ZMPSTE24: variants seen among roughly 807,000 people sequenced by gnomAD.
ZMPSTE24 encodes zinc metallopeptidase STE24.
Under a neutral mutation model 56.7 loss-of-function variants are expected in ZMPSTE24, and 48 were observed. The ratio of observed to expected loss-of-function variants is 0.85; its 90% CI spans 0.67 to 1.08. The LOEUF (loss-of-function observed/expected upper bound fraction) is 1.08, where lower values mean the gene tolerates loss of function less well. Among genes scored for constraint, ZMPSTE24 ranks in the 50% least tolerant of loss-of-function variants. ZMPSTE24 has a pLI of 0.00. For missense variants in ZMPSTE24, 503 were observed against 548.7 expected (o/e 0.92, Z 0.83); for synonymous variants, 172 against 195.2 (o/e 0.88, Z 0.99).
chr1:40,258,447 A>T, intron 1 of ZMPSTE24, 53 bp downstream of exon 1: 1 of 1,612,622 alleles, frequency 6.2e-7, no homozygotes, highest in Non-Finnish European at 8.5e-7. Context: ...GCCCTGGAGT[A>T]GCCTTGGCTT....
intron 1 of ZMPSTE24, 55 bp downstream of exon 1, chr1:40,258,449 C>T: frequency 1.9e-6 from 3 of 1,612,312 alleles, no homozygotes; most frequent in Non-Finnish European, 1.7e-6. Flanking sequence ...CCTGGAGTAG[C>T]CTTGGCTTCG....
Position 40,258,277 on chromosome 1 carries a change from G to A in ZMPSTE24, c.6G>A (p.Gly2=). M[G]MWASLDALWE... ...GCCGGCGGAACCGGGTGGCCATGGG[G>A]ATGTGGGCATCGCTGGACGCTTTGT... The change falls in exon 1 of 10, where the codon GGG becomes GGA. Residue 2 remains glycine, a synonymous_variant. Transcript: ENST00000372759. 6.2e-7 allele frequency: 1 copy of A among 1,613,942 alleles called. No individual in the cohort carries two copies. The highest frequency in any genetic ancestry group is 8.5e-7 in the Non-Finnish European group (1 of 1,180,028).
chr1:40,277,085 CTTTT>C (rs574397138), intron 6 of ZMPSTE24, among the ~76,000 whole-genome samples: 2 of 130,064 alleles, frequency 1.5e-5, no homozygotes, highest in African/African-American at 2.9e-5. Flanking sequence ...TACAGGGATT[CTTTT>C]TTTTTTTTTT....
intron 6 of ZMPSTE24, among the ~76,000 whole-genome samples, chr1:40,273,104 A>G (rs1442658616): frequency 6.6e-6 from 1 of 152,234 alleles, no homozygotes; most frequent in Non-Finnish European, 1.5e-5. Flanking sequence ...AAATATTACC[A>G]GTGAGAAGCA....
chr1:40,270,926 C>T (rs1337291359), intron 5 of ZMPSTE24, among the ~76,000 whole-genome samples: 1 of 152,198 alleles, frequency 6.6e-6, no homozygotes, highest in African/African-American at 2.4e-5. Context: ...TAAGACCAGC[C>T]TGGGTAACAC....
chr1:40,292,442 C>T lies in ZMPSTE24; in HGVS notation c.1204-3C>T. The T allele has an allele frequency of 1.9e-6, 3 of 1,613,296 alleles. No homozygotes were observed. The South Asian group carries it at 3.3e-5, about 18-fold the overall frequency. The stretch of plus-strand genomic sequence containing the variant: ...GCTAAAACCCTTTCATTTTCTTTTT[C>T]AGGTTCTTTCTTTTTGCCTAACAGT... On this transcript the variant is annotated splice_region_variant and splice_polypyrimidine_tract_variant and intron_variant, in intron 9 of 9. Coordinates refer to ENST00000372759, the MANE Select transcript of ZMPSTE24 (RefSeq NM_005857.5).
Position 40,270,056 on chromosome 1 carries a change from C to T in ZMPSTE24, c.556C>T (p.Leu186Phe), listed in dbSNP as rs770010254. The T allele has an allele frequency of 6.2e-7, 1 of 1,613,780 alleles. No homozygotes were observed. The highest frequency in any genetic ancestry group is 1.3e-5 in the African/African-American group (1 of 74,918). ...TTTGTTGCCTGTGTCTTCACTTCTACTTTACATTATTAAAATTGGGGGTGA... is the reference window on the plus strand; with the variant it reads ...TTTGTTGCCTGTGTCTTCACTTCTATTTTACATTATTAAAATTGGGGGTGA... ...CILLPVSSLL[L>F]YIIKIGGDYF... The change falls in exon 5 of 10, where the codon CTT (leucine) becomes TTT (phenylalanine). Residue 186 changes from leucine (L) to phenylalanine (F), a missense_variant. By Grantham distance (22) the Leu-to-Phe change is conservative (BLOSUM62 0). Transcript: ENST00000372759.
chr1:40,270,332 C>A (rs925601495), intron 5 of ZMPSTE24, among the ~76,000 whole-genome samples: 1 of 152,170 alleles, frequency 6.6e-6, no homozygotes, highest in South Asian at 2.1e-4. Context: ...GCTAACTCTT[C>A]AGGTCATAGA....
chr1:40,258,530 C>T, intron 1 of ZMPSTE24, 136 bp downstream of exon 1: 2 of 1,501,464 alleles, frequency 1.3e-6, no homozygotes, highest in Non-Finnish European at 1.8e-6. Context: ...AGTCTCGTAA[C>T]TTGGCCCGAT....
chr1:40,281,663 T>TAAAGG, intron 7 of ZMPSTE24, 136 bp downstream of exon 7: 1 of 897,322 alleles, frequency 1.1e-6, no homozygotes, highest in Non-Finnish European at 1.7e-6. Flanking sequence ...GGCTCCTTTA[T>TAAAGG]AGTTCTGGTA....
At position 40,258,328 on chromosome 1, in the gene ZMPSTE24, C is replaced by T; in HGVS notation, c.57C>T (p.Ile19=). The T allele has an allele frequency of 6.2e-7, 1 of 1,614,186 alleles. No homozygotes were observed. The highest frequency in any genetic ancestry group is 8.5e-7 in the Non-Finnish European group (1 of 1,180,044). ...ALWEMPAEKR[I]FGAVLLFSWT... ...GGGAGATGCCGGCCGAGAAGCGTAT[C>T]TTCGGGGCCGTGCTGCTCTTTTCCT... Residue 19 remains isoleucine, a synonymous_variant, in exon 1 of 10, where the codon ATC becomes ATT. Coordinates refer to ENST00000372759, the MANE Select transcript of ZMPSTE24 (RefSeq NM_005857.5).
At chr1:40,258,524 T>C in intron 1 of ZMPSTE24, 130 bp downstream of exon 1, 1 of 1,520,704 alleles carries the variant, frequency 6.6e-7, no homozygotes, top group Non-Finnish European at 9.0e-7. Context: ...CTGCTGAGTC[T>C]CGTAACTTGG....
chr1:40,293,582 C>G lies in ZMPSTE24; in HGVS notation c.*913C>G, dbSNP rs1643863241. 1 of 152,206 alleles carries G rather than the reference C, an allele frequency of 6.6e-6. No homozygotes were observed. Among genetic ancestry groups the G allele is most frequent in the African/African-American group, 2.4e-5 (1 of 41,462 alleles). 9.4% of individuals were successfully genotyped at this position (152,206 alleles called of 1,614,324 possible). A position where few individuals can be genotyped will look rare whatever the true frequency, so the allele number is the denominator to read the frequency against. On this transcript the variant is annotated 3_prime_UTR_variant, in exon 10 of 10. Coordinates refer to ENST00000372759, the MANE Select transcript of ZMPSTE24 (RefSeq NM_005857.5). ...ACATAAGGATGAAATACTGATGAAT[C>G]TCTGTGACATTACAGGGAAAAAAAT...
intron 5 of ZMPSTE24, among the ~76,000 whole-genome samples, chr1:40,271,224 C>G (rs776298495): frequency 3.0e-4 from 46 of 152,112 alleles, no homozygotes; most frequent in Non-Finnish European, 5.6e-4. Context: ...GACACCATGC[C>G]CAAGCTGAGG....
intron 6 of ZMPSTE24, among the ~76,000 whole-genome samples, chr1:40,275,079 C>G (rs1425786280): frequency 6.6e-6 from 1 of 151,850 alleles, no homozygotes; most frequent in Non-Finnish European, 1.5e-5. Flanking sequence ...ATTCTGCAAG[C>G]AATAGAAACC....
rs564570606 is a variant in ZMPSTE24 at position 40,285,909 on chromosome 1, A to AT, written c.955-7dup. On this transcript the variant is annotated splice_polypyrimidine_tract_variant and intron_variant, in intron 7 of 9. Coordinates refer to ENST00000372759, the MANE Select transcript of ZMPSTE24 (RefSeq NM_005857.5). The stretch of plus-strand genomic sequence containing the variant: ...AAAGGTTCTCAATAATTTATTTTTG[A>AT]TTTTTTTTTATTCAGAATAAGAAAC... 516 of 1,581,526 alleles carry AT rather than the reference A, an allele frequency of 3.3e-4. No individual in the cohort carries two copies. The highest frequency in any genetic ancestry group is 2.4e-3 in the South Asian group (216 of 89,138).
At position 40,281,642 on chromosome 1, in the gene ZMPSTE24, A is replaced by G. The variant is rs941166752; in HGVS notation, c.954+115A>G. 3 of 1,074,026 alleles carry G rather than the reference A, an allele frequency of 2.8e-6. No individual in the cohort carries two copies. In the African/African-American group the frequency reaches 4.7e-5, roughly 17 times the overall value. 66.5% of individuals were successfully genotyped at this position (1,074,026 alleles called of 1,614,324 possible). ...GTGTTGAATTCAGGGAGACTATCAG[A>G]TGAAAACCATGGCTCCTTTATAGTT... On this transcript the variant is annotated intron_variant, in intron 7 of 9. Coordinates refer to ENST00000372759, the MANE Select transcript of ZMPSTE24 (RefSeq NM_005857.5).
Position 40,272,157 on chromosome 1 carries a change from T to C in ZMPSTE24, c.769+122T>C, listed in dbSNP as rs181197733. 37 of 1,167,000 alleles carry C rather than the reference T, an allele frequency of 3.2e-5. 1 individual carries two copies. In the East Asian group the frequency reaches 7.1e-4, roughly 22 times the overall value. 72.3% of individuals were successfully genotyped at this position (1,167,000 alleles called of 1,614,324 possible). ...GTTTTTTTCTTTTTAAAATTTGTTA[T>C]TTAAAGGCTAGGAGTTTACCTTTTG... On this transcript the variant is annotated intron_variant, in intron 6 of 9. Transcript: ENST00000372759.
chr1:40,294,171 C>T lies in ZMPSTE24; in HGVS notation c.*1502C>T, dbSNP rs568015449. On this transcript the variant is annotated 3_prime_UTR_variant, in exon 10 of 10. Transcript: ENST00000372759. ...AAAGTGAAACATTAAACATTGCCAA[C>T]GCAAATGTATGTACTTTGTCTTTAG... 13 of 152,692 alleles carry T rather than the reference C, an allele frequency of 8.5e-5. No homozygotes were observed. The highest frequency in any genetic ancestry group is 1.2e-4 in the African/African-American group (5 of 41,542). The allele number at this position is 152,692 out of a possible 1,614,324, so 9.5% of individuals were successfully genotyped here. A position where few individuals can be genotyped will look rare whatever the true frequency, so the allele number is the denominator to read the frequency against.
Sources: allele counts gnomAD v4.1 joint callset (sites outside exome capture counted in the v4.1 genomes callset), GRCh38; gene constraint gnomAD v4.1.1; transcripts MANE v1.5; gene names NCBI Gene and HGNC (gene_info 2026-07-23, HGNC 2026-07-21).